Variants in JSRP1 observed in about 807,000 individuals in gnomAD.
JSRP1 encodes junctional sarcoplasmic reticulum protein 1.
Under a neutral mutation model 21.4 loss-of-function variants are expected in JSRP1, and 29 were observed. The ratio of observed to expected loss-of-function variants is 1.36; its 90% CI spans 1.01 to 1.85. The LOEUF is 1.85. Ranked by LOEUF, JSRP1 falls within the 40% of genes most tolerant of loss-of-function variation. The pLI is 0.00. For synonymous variants in JSRP1, 221 were observed against 206.1 expected (o/e 1.07, Z -0.62); for missense variants, 531 against 461.5 (o/e 1.15, Z -1.38).
Position 2,252,638 on chromosome 19 carries a change from G to T in JSRP1, c.687C>A (p.Thr229=). 6.2e-7 allele frequency: 1 copy of T among 1,612,340 alleles called. No homozygotes were observed. Residue 229 remains threonine (T), a synonymous_variant, in exon 7 of 7, where the codon ACC becomes ACA. Transcript: ENST00000300961. ...TGEAVREDRV[T]LADRGPKERP... is the part of the protein sequence containing the mutation. ...TCTCCTTGGGTCCCCGGTCTGCGAG[G>T]GTCACACGGTCCTCCCGGACGGCCT... is the stretch of plus-strand genomic sequence containing the variant.
intron 5 of JSRP1, 114 bp from the exon 6 acceptor site, chr19:2,253,117 C>T (rs942386199): frequency 2.7e-6 from 2 of 740,144 alleles, no homozygotes; most frequent in African/African-American, 1.7e-5. Flanking sequence ...GGGGCTCCCC[C>T]GGTACGGCTG....
chr19:2,254,227 C>G lies in JSRP1; in HGVS notation c.222G>C (p.Gly74=), dbSNP rs761788031. The G allele has an allele frequency of 6.2e-7, 1 of 1,606,202 alleles. No homozygotes were observed. Among genetic ancestry groups the G allele is most frequent in the Admixed American group, 1.7e-5 (1 of 58,690 alleles). The part of the protein sequence containing the change: ...KKMEKEPAAR[G]TPGTGKERLK... ...GCCTCTCCTTCCCCGTTCCTGGGGT[C>G]CCCCTGGCGGCAGGCTCTTTTTCCA... is the stretch of plus-strand genomic sequence containing the variant. Residue 74 remains glycine (G), a synonymous_variant, in exon 4 of 7, where the codon GGG becomes GGC. Coordinates refer to ENST00000300961, the MANE Select transcript of JSRP1 (RefSeq NM_144616.4).
At position 2,255,671 on chromosome 19, in the gene JSRP1, C is replaced by T. The variant is rs146315540; in HGVS notation, c.-30-327G>A. Among the ~76,000 whole-genome samples the T allele has an allele frequency of 5.3e-5, 8 of 152,324 alleles. No homozygotes were observed. In the East Asian group the frequency reaches 9.7e-4, roughly 18 times the overall value. On this transcript the variant is annotated intron_variant, in intron 1 of 6. Transcript: ENST00000300961. ...AATGAGTCCCAGACGCACCCCAAACCGAAACTCTTGGCCCCAGAGTCAGCT... is the reference window on the plus strand; with the variant it reads ...AATGAGTCCCAGACGCACCCCAAACTGAAACTCTTGGCCCCAGAGTCAGCT...
intron 4 of JSRP1, 26 bp downstream of exon 4, chr19:2,254,161 C>A: frequency 1.3e-6 from 2 of 1,550,558 alleles, no homozygotes; most frequent in Non-Finnish European, 8.8e-7. Context: ...CACCCCACAC[C>A]TCACCCATGC....
At position 2,253,616 on chromosome 19, in the gene JSRP1, T is replaced by C. The variant is rs2145037422; in HGVS notation, c.436+4A>G. 2 of 1,470,234 alleles carry C rather than the reference T, an allele frequency of 1.4e-6. No homozygotes were observed. Among genetic ancestry groups the C allele is most frequent in the East Asian group, 2.8e-5 (1 of 35,302 alleles). The allele number at this position is 1,470,234 out of a possible 1,614,324, so 91.1% of individuals were successfully genotyped here. On this transcript the variant is annotated splice_donor_region_variant and intron_variant, in intron 5 of 6. Transcript: ENST00000300961. ...CGCCCCACCTCTGGGGAGCCTGCGC[T>C]CACCGCGGCACAGCTGGAAAGCCGA...
At position 2,253,751 on chromosome 19, in the gene JSRP1, G is replaced by A. The variant is rs899311243; in HGVS notation, c.305C>T (p.Pro102Leu). The stretch of plus-strand genomic sequence containing the variant: ...GGGCGGCGGCGGCGGCTGCAGGGGC[G>A]GCGCGGTCTGCGCCTTCTTGCGCGC... Reference protein sequence around the residue: ...VPARKKAQTAPPLQPPPPPPA... With the variant: ...VPARKKAQTALPLQPPPPPPA... Residue 102 changes from proline to leucine, a missense_variant, in exon 5 of 7, where the codon CCG (proline) becomes CTG (leucine). By Grantham distance (98) the Pro-to-Leu change is moderately conservative (BLOSUM62 -3). Transcript: ENST00000300961. 27 of 1,476,602 alleles carry A rather than the reference G, an allele frequency of 1.8e-5. No individual in the cohort carries two copies. In the Middle Eastern group the frequency reaches 7.0e-4, roughly 38 times the overall value. 91.5% of individuals were successfully genotyped at this position (1,476,602 alleles called of 1,614,324 possible).
Position 2,252,353 on chromosome 19 carries a change from G to T in JSRP1, c.972C>A (p.Leu324=). 6.5e-7 allele frequency: 1 copy of T among 1,539,838 alleles called. No individual in the cohort carries two copies. Residue 324 remains leucine, a synonymous_variant, in exon 7 of 7, where the codon CTC becomes CTA. Transcript: ENST00000300961. ...EEQRPGSRQK[L]RAGKGRD ...CTCAGTCCCGCCCCTTGCCTGCGCGGAGCTTCTGGCGACTCCCAGGCCGCT... is the reference window on the plus strand; with the variant it reads ...CTCAGTCCCGCCCCTTGCCTGCGCGTAGCTTCTGGCGACTCCCAGGCCGCT...
intron 3 of JSRP1, 66 bp from the exon 4 acceptor site, chr19:2,254,367 A>G: frequency 6.2e-7 from 1 of 1,604,480 alleles, no homozygotes; most frequent in South Asian, 1.1e-5. Flanking sequence ...TGGGCTTTAG[A>G]CACCTGCCTC....
intron 4 of JSRP1, 51 bp from the exon 5 acceptor site, chr19:2,253,844 C>T (rs12985040): frequency 0.051 from 68,327 of 1,344,260 alleles, 1,998 homozygotes; most frequent in Non-Finnish European, 0.055. Context: ...TGTGCCGCCC[C>T]CTTCCCCGGG....
At chr19:2,255,834 A>G (rs2025138871) in intron 1 of JSRP1, among the ~76,000 whole-genome samples, 1 of 152,106 alleles carries the variant, frequency 6.6e-6, no homozygotes, top group Non-Finnish European at 1.5e-5. Context: ...CATTCTGGGC[A>G]CCCACATCCT....
In JSRP1 at chr19:2,253,713, C is replaced by T. The variant is rs1382040726; in HGVS notation, c.343G>A (p.Glu115Lys). 3.3e-6 allele frequency: 5 copies of T among 1,498,428 alleles called. No individual in the cohort carries two copies. The highest frequency in any genetic ancestry group is 4.4e-6 in the Non-Finnish European group (5 of 1,131,690). 92.8% of individuals were successfully genotyped at this position (1,498,428 alleles called of 1,614,324 possible). A position where few individuals can be genotyped will look rare whatever the true frequency, so the allele number is the denominator to read the frequency against. The change falls in exon 5 of 7, where the codon GAG (glutamate) becomes AAG (lysine). Residue 115 changes from glutamate to lysine, a missense_variant. Physicochemically the swap from Glu to Lys is moderately conservative, Grantham distance 56 (BLOSUM62 1). Coordinates refer to ENST00000300961, the MANE Select transcript of JSRP1 (RefSeq NM_144616.4). The stretch of plus-strand genomic sequence containing the variant: ...GACAGGTCTCCCCAGGGCAGCTCCT[C>T]GCTCAGGGCCGGGGGCGGCGGCGGC... ...QPPPPPPALS[E>K]ELPWGDLSLN...
intron 5 of JSRP1, 123 bp from the exon 6 acceptor site, chr19:2,253,126 T>A: frequency 1.4e-6 from 1 of 696,384 alleles, no homozygotes; most frequent in Non-Finnish European, 2.4e-6. Context: ...CCGGTACGGC[T>A]GAGACTAAGG....
rs748512993 is a variant in JSRP1 at position 2,253,710 on chromosome 19, C to A, written c.346G>T (p.Glu116Ter). The A allele has an allele frequency of 1.3e-5, 20 of 1,501,110 alleles. No individual in the cohort carries two copies. The allele number at this position is 1,501,110 out of a possible 1,614,324, so 93.0% of individuals were successfully genotyped here. ...PPPPPPALSEELPWGDLSLNK... is the reference protein window; with the variant it reads ...PPPPPPALSE Reference sequence around the variant, plus strand: ...AGCGACAGGTCTCCCCAGGGCAGCTCCTCGCTCAGGGCCGGGGGCGGCGGC... The same window carrying A: ...AGCGACAGGTCTCCCCAGGGCAGCTACTCGCTCAGGGCCGGGGGCGGCGGC... The change falls in exon 5 of 7, where the codon GAG becomes TAG. Residue 116 changes from glutamate to a stop codon, truncating the protein, a stop_gained. Coordinates refer to ENST00000300961, the MANE Select transcript of JSRP1 (RefSeq NM_144616.4). LOFTEE classifies it high-confidence loss of function.
chr19:2,256,123 G>A (rs952985498), intron 1 of JSRP1, among the ~76,000 whole-genome samples: 4 of 152,310 alleles, frequency 2.6e-5, no homozygotes, highest in African/African-American at 9.6e-5. Flanking sequence ...TGGCTGCTGG[G>A]ATTAGGGTGT....
At position 2,252,696 on chromosome 19, in the gene JSRP1, T is replaced by C. The variant is rs1376592577; in HGVS notation, c.629A>G (p.Asn210Ser). 6.2e-7 allele frequency: 1 copy of C among 1,612,334 alleles called. No homozygotes were observed. Among genetic ancestry groups the C allele is most frequent in the Non-Finnish European group, 8.5e-7 (1 of 1,179,938 alleles). ...GGCCTCGCCGGGCTCCTCTTCGTCG[T>C]TCTCTGCAGCCTCCCGACTCCCGGG... ...KIPGSREAAE[N>S]DEEEPGEATG... The change falls in exon 7 of 7, where the codon AAC becomes AGC. Residue 210 changes from asparagine to serine, a missense_variant. Coordinates refer to ENST00000300961, the MANE Select transcript of JSRP1 (RefSeq NM_144616.4).
rs200818695 is a variant in JSRP1 at position 2,255,262 on chromosome 19, C to T, written c.53G>A (p.Cys18Tyr). ...CGCAGAGTGGTCCTCCAGGGCCTGGCAGCTGCCCAGGCCGCCATCCAGCTC... is the reference window on the plus strand; with the variant it reads ...CGCAGAGTGGTCCTCCAGGGCCTGGTAGCTGCCCAGGCCGCCATCCAGCTC... Reference protein sequence around the residue: ...WEELDGGLGSCQALEDHSALA... With the variant: ...WEELDGGLGSYQALEDHSALA... Residue 18 changes from cysteine (C) to tyrosine (Y), a missense_variant, in exon 2 of 7, where the codon TGC becomes TAC. Physicochemically the swap from Cys to Tyr is radical, Grantham distance 194. Coordinates refer to ENST00000300961, the MANE Select transcript of JSRP1 (RefSeq NM_144616.4). The T allele has an allele frequency of 6.8e-6, 11 of 1,611,160 alleles. No individual in the cohort carries two copies. In the Admixed American group the frequency reaches 8.3e-5, roughly 12 times the overall value.
chr19:2,252,559 G>A lies in JSRP1; in HGVS notation c.766C>T (p.Pro256Ser). The A allele has an allele frequency of 6.2e-7, 1 of 1,612,898 alleles. No homozygotes were observed. Among genetic ancestry groups the A allele is most frequent in the Non-Finnish European group, 8.5e-7 (1 of 1,179,898 alleles). The change falls in exon 7 of 7, where the codon CCT (proline) becomes TCT (serine). Residue 256 changes from proline (P) to serine (S), a missense_variant. Coordinates refer to ENST00000300961, the MANE Select transcript of JSRP1 (RefSeq NM_144616.4). ...RKEKPRKEER[P>S]KKERPRKEER... ...TCTTTCCGCGGCCTCTCTTTCTTAGGTCTCTCCTCCTTCCGCGGCTTCTCC... is the reference window on the plus strand; with the variant it reads ...TCTTTCCGCGGCCTCTCTTTCTTAGATCTCTCCTCCTTCCGCGGCTTCTCC...
rs745958380 is a variant in JSRP1, at chr19:2,252,998, C to T, written c.442G>A (p.Val148Ile). ...GSAFQLCRDA[V>I]PGEAALQARV... ...GCTTGGAGTGCTGCCTCCCCAGGGA[C>T]GGCGTCTGCAGCGACAGGGTCGGGA... The change falls in exon 6 of 7, where the codon GTC becomes ATC. Residue 148 changes from valine to isoleucine, a missense_variant. Transcript: ENST00000300961. The T allele has an allele frequency of 6.2e-7, 1 of 1,600,126 alleles. No homozygotes were observed. The highest frequency in any genetic ancestry group is 1.1e-5 in the South Asian group (1 of 89,130).
In JSRP1 at chr19:2,252,390, G is replaced by C; in HGVS notation, c.935C>G (p.Pro312Arg). 6.3e-7 allele frequency: 1 copy of C among 1,592,894 alleles called. No individual in the cohort carries two copies. The change falls in exon 7 of 7, where the codon CCC (proline) becomes CGC (arginine). Residue 312 changes from proline (P) to arginine (R), a missense_variant. Transcript: ENST00000300961. ...KKQAWVSPRR[P>R]DEEQRPGSRQ... ...ACTCCCAGGCCGCTGCTCCTCGTCG[G>C]GACGCCTCGGGGACACCCAGGCCTG...
Sources: allele counts gnomAD v4.1 joint callset (sites outside exome capture counted in the v4.1 genomes callset), GRCh38; gene constraint gnomAD v4.1.1; transcripts MANE v1.5; gene names NCBI Gene and HGNC (gene_info 2026-07-23, HGNC 2026-07-21).